The following ATOSA variants were observed in gnomAD, a reference collection of about 807,000 sequenced individuals.
ATOSA encodes the protein atos homolog A.
the ATOSA span, among the ~76,000 whole-genome samples, chr15:52,640,659 TATG>T: frequency 1.5e-5 from 2 of 135,052 alleles, no homozygotes; most frequent in Non-Finnish European, 3.1e-5. Flanking sequence ...ATAAACTAAA[TATG>T]ATTATCCTAA....
At chr15:52,597,433 A>AT in the ATOSA span, among the ~76,000 whole-genome samples, 1 of 152,228 alleles carries the variant, frequency 6.6e-6, no homozygotes, top group Non-Finnish European at 1.5e-5. Context: ...TACAACAGTA[A>AT]TAAAAACGAA....
the ATOSA span, among the ~76,000 whole-genome samples, chr15:52,632,313 C>T: frequency 4.6e-5 from 7 of 152,174 alleles, no homozygotes; most frequent in African/African-American, 1.7e-4. Flanking sequence ...ATAATTTCTT[C>T]TGTTGGTTTA....
chr15:52,596,476 G>A, the ATOSA span, among the ~76,000 whole-genome samples: 1 of 152,158 alleles, frequency 6.6e-6, no homozygotes, highest in African/African-American at 2.4e-5. Flanking sequence ...CTCCTATCAT[G>A]TAAAAATTAA....
chr15:52,682,057 G>A, the ATOSA span, among the ~76,000 whole-genome samples: 1 of 152,154 alleles, frequency 6.6e-6, no homozygotes, highest in Non-Finnish European at 1.5e-5. Flanking sequence ...ATTAACCTAT[G>A]TATTCTCTAA....
At chr15:52,634,982 A>G in the ATOSA span, among the ~76,000 whole-genome samples, 7 of 152,224 alleles carry the variant, frequency 4.6e-5, no homozygotes, top group African/African-American at 1.7e-4. Context: ...ACACTAATCA[A>G]AAGAAAGCTG....
chr15:52,705,626 A>G, the ATOSA span, among the ~76,000 whole-genome samples: 9 of 152,218 alleles, frequency 5.9e-5, no homozygotes, highest in Non-Finnish European at 1.2e-4. Flanking sequence ...TGCAAAAGAT[A>G]AATAAGCATA....
chr15:52,651,666 C>A, the ATOSA span, among the ~76,000 whole-genome samples: 1 of 152,084 alleles, frequency 6.6e-6, no homozygotes, highest in Non-Finnish European at 1.5e-5. Flanking sequence ...TTTTAATAAT[C>A]TTTTCAGTAC....
At chr15:52,609,653 C>G in the ATOSA span, 1 of 1,613,416 alleles carries the variant, frequency 6.2e-7, no homozygotes, top group South Asian at 1.1e-5. Flanking sequence ...GCTTCTTTAC[C>G]TTTTCCCACG....
the ATOSA span, chr15:52,609,531 G>A: frequency 1.2e-6 from 2 of 1,613,854 alleles, no homozygotes; most frequent in Non-Finnish European, 1.7e-6. Context: ...GAGAATAAAA[G>A]TCATTAGAAA....
the ATOSA span, among the ~76,000 whole-genome samples, chr15:52,595,281 G>C: frequency 1.3e-5 from 2 of 152,232 alleles, no homozygotes; most frequent in South Asian, 4.1e-4. Context: ...TTCTCCAGTA[G>C]ACAATAAACG....
chr15:52,693,574 C>CA, the ATOSA span, among the ~76,000 whole-genome samples: 1 of 152,046 alleles, frequency 6.6e-6, no homozygotes. Flanking sequence ...TTCACAAAAA[C>CA]AAAACCATAC....
At chr15:52,629,203 G>A in the ATOSA span, among the ~76,000 whole-genome samples, 3 of 152,180 alleles carry the variant, frequency 2.0e-5, no homozygotes, top group East Asian at 1.9e-4. Flanking sequence ...ATATAAAGAC[G>A]TTTTAAGAGC....
the ATOSA span, chr15:52,609,055 T>C: frequency 6.2e-7 from 1 of 1,613,498 alleles, no homozygotes; most frequent in African/African-American, 1.3e-5. Flanking sequence ...ATCTAAGTTA[T>C]TTTCTTTGTG....
the ATOSA span, among the ~76,000 whole-genome samples, chr15:52,689,294 T>C: frequency 6.6e-6 from 1 of 152,222 alleles, no homozygotes; most frequent in Non-Finnish European, 1.5e-5. Context: ...TTGAATTTCT[T>C]TGCAGTGTGC....
the ATOSA span, chr15:52,587,443 CA>C: frequency 2.7e-6 from 1 of 377,322 alleles, no homozygotes; most frequent in Non-Finnish European, 4.7e-6. Flanking sequence ...CATCAATGGC[CA>C]CAGCACTCAA....
At chr15:52,593,462 T>C in the ATOSA span, 1 of 994,382 alleles carries the variant, frequency 1.0e-6, no homozygotes, top group Non-Finnish European at 1.4e-6. Context: ...GGCATATTAG[T>C]TTGTATTCAG....
At chr15:52,667,508 A>G in the ATOSA span, among the ~76,000 whole-genome samples, 1 of 152,244 alleles carries the variant, frequency 6.6e-6, no homozygotes, top group Non-Finnish European at 1.5e-5. Context: ...GGTATACAGA[A>G]GAATACTTTT....
the ATOSA span, among the ~76,000 whole-genome samples, chr15:52,629,068 G>A: frequency 6.6e-6 from 1 of 152,136 alleles, no homozygotes; most frequent in Non-Finnish European, 1.5e-5. Flanking sequence ...CAATCTATAA[G>A]TGTCCATATT....
the ATOSA span, among the ~76,000 whole-genome samples, chr15:52,624,355 G>A: frequency 6.6e-6 from 1 of 152,242 alleles, no homozygotes; most frequent in East Asian, 1.9e-4. Flanking sequence ...TTTCCACACT[G>A]ATCTTTGACT....
Sources: gnomAD v4.1 joint callset for allele counts (sites outside exome capture counted in the v4.1 genomes callset) on GRCh38, gnomAD v4.1.1 for gene constraint, MANE v1.5 for transcripts, NCBI Gene and HGNC (gene_info 2026-07-23, HGNC 2026-07-21) for gene names.